Variants in IGFBP7 observed in about 807,000 individuals in gnomAD.
IGFBP7 encodes the protein insulin like growth factor binding protein 7.
In IGFBP7, 31 loss-of-function variants were observed where a neutral mutation model predicts 29.4. The ratio of observed to expected loss-of-function variants is 1.05; its 90% CI spans 0.79 to 1.42. IGFBP7 has a LOEUF of 1.42. Among genes scored for constraint, IGFBP7 ranks in the 40% most tolerant of loss-of-function variants. The pLI is 0.00. For missense variants in IGFBP7, 393 were observed against 395.5 expected, an observed-to-expected ratio of 0.99 and a Z score of 0.05; for synonymous variants, 172 against 174.9, an observed-to-expected ratio of 0.98 and a Z score of 0.13.
chr4:57,047,515 A>C (rs887019390), intron 1 of IGFBP7, among the ~76,000 whole-genome samples: 1 of 152,252 alleles, frequency 6.6e-6, no homozygotes, highest in African/African-American at 2.4e-5. Flanking sequence ...AAGTTATAGC[A>C]AGGAAGAAGA....
At chr4:57,066,272 G>A (rs1175857322) in intron 1 of IGFBP7, among the ~76,000 whole-genome samples, 2 of 152,162 alleles carry the variant, frequency 1.3e-5, no homozygotes. Flanking sequence ...AGCCAGTGCT[G>A]TGCTGTTAGG....
At chr4:57,070,969 G>A (rs1049852662) in intron 1 of IGFBP7, among the ~76,000 whole-genome samples, 3 of 152,128 alleles carry the variant, frequency 2.0e-5, no homozygotes, top group East Asian at 1.9e-4. Flanking sequence ...ATTTGAAGAT[G>A]GGTTCTCCCT....
intron 1 of IGFBP7, among the ~76,000 whole-genome samples, chr4:57,051,966 C>G (rs1017372742): frequency 6.6e-6 from 1 of 152,124 alleles, no homozygotes; most frequent in African/African-American, 2.4e-5. Context: ...GAATAGTGAG[C>G]ATGCGGGCCA....
chr4:57,063,761 T>C (rs887282587), intron 1 of IGFBP7, among the ~76,000 whole-genome samples: 2 of 152,218 alleles, frequency 1.3e-5, no homozygotes, highest in Admixed American at 6.5e-5. Context: ...TGTTTGGGTA[T>C]GCCCTTTTTA....
intron 1 of IGFBP7, among the ~76,000 whole-genome samples, chr4:57,100,834 G>A (rs187193380): frequency 4.6e-5 from 7 of 152,372 alleles, no homozygotes; most frequent in African/African-American, 1.7e-4. Flanking sequence ...TAGCAAGCCT[G>A]TAGCAGAATA....
Position 57,030,834 on chromosome 4 carries a change from TG to T in IGFBP7, c.*482del. 1.1e-6 allele frequency: 1 copy of T among 883,030 alleles called. No individual in the cohort carries two copies. Among genetic ancestry groups the T allele is most frequent in the Non-Finnish European group, 1.9e-6 (1 of 517,406 alleles). The allele number at this position is 883,030 out of a possible 1,614,324, so 54.7% of individuals were successfully genotyped here. Reference sequence around the variant, plus strand: ...ACAGTACCAGATCTTTGTCTTTTTCTGGGGTAGAGAAGTGGGGTCACTTCAA... The same window carrying T: ...ACAGTACCAGATCTTTGTCTTTTTCTGGGTAGAGAAGTGGGGTCACTTCAA... On this transcript the variant is annotated 3_prime_UTR_variant, in exon 5 of 5. Coordinates refer to ENST00000295666, the MANE Select transcript of IGFBP7 (RefSeq NM_001553.3).
intron 3 of IGFBP7, 89 bp downstream of exon 3, chr4:57,033,106 G>T: frequency 1.1e-6 from 1 of 889,652 alleles, no homozygotes; most frequent in Non-Finnish European, 1.9e-6. Flanking sequence ...GCACCTTTAG[G>T]CTGGCGGTAC....
intron 1 of IGFBP7, among the ~76,000 whole-genome samples, chr4:57,047,712 C>T (rs185729116): frequency 3.3e-5 from 5 of 152,300 alleles, no homozygotes; most frequent in Admixed American, 3.3e-4. Context: ...GAATCTCCAC[C>T]TAAGTCTGCA....
At chr4:57,080,307 T>C (rs1725335022) in intron 1 of IGFBP7, among the ~76,000 whole-genome samples, 1 of 152,218 alleles carries the variant, frequency 6.6e-6, no homozygotes, top group African/African-American at 2.4e-5. Flanking sequence ...AGATAATTTC[T>C]CTACCTGTCT....
chr4:57,085,082 C>T (rs1725466214), intron 1 of IGFBP7, among the ~76,000 whole-genome samples: 1 of 152,012 alleles, frequency 6.6e-6, no homozygotes, highest in Admixed American at 6.6e-5. Flanking sequence ...AGCCACTGCA[C>T]CTGGCCTAGA....
At chr4:57,062,631 T>C (rs1560498062) in intron 1 of IGFBP7, among the ~76,000 whole-genome samples, 1 of 152,236 alleles carries the variant, frequency 6.6e-6, no homozygotes, top group East Asian at 1.9e-4. Context: ...GCCCTTTTTA[T>C]TGGATTTTAA....
chr4:57,045,246 C>G (rs1225502624), intron 1 of IGFBP7, among the ~76,000 whole-genome samples: 2 of 152,200 alleles, frequency 1.3e-5, no homozygotes, highest in Admixed American at 6.5e-5. Context: ...CCACAAAAAT[C>G]TATAATATCC....
At chr4:57,090,855 A>C (rs960185476) in intron 1 of IGFBP7, among the ~76,000 whole-genome samples, 11 of 152,162 alleles carry the variant, frequency 7.2e-5, no homozygotes, top group Non-Finnish European at 1.5e-4. Flanking sequence ...CATCTCAAAA[A>C]AACAAAACAA....
intron 1 of IGFBP7, among the ~76,000 whole-genome samples, chr4:57,046,627 T>A (rs1281289648): frequency 2.0e-5 from 3 of 152,180 alleles, no homozygotes; most frequent in Non-Finnish European, 4.4e-5. Context: ...AACATCAGGA[T>A]AGGTCCAATT....
intron 1 of IGFBP7, chr4:57,073,007 C>T (rs569691255): frequency 1.5e-4 from 147 of 1,007,260 alleles, no homozygotes; most frequent in Middle Eastern, 5.0e-4. Context: ...CCACAGCCTT[C>T]GAGGCAAACC....
intron 1 of IGFBP7, among the ~76,000 whole-genome samples, chr4:57,090,949 A>G (rs1465275724): frequency 6.6e-6 from 1 of 152,192 alleles, no homozygotes; most frequent in Admixed American, 6.5e-5. Flanking sequence ...TACATTGGTT[A>G]TTTTATTCAG....
chr4:57,033,310 A>G lies in IGFBP7; in HGVS notation c.587T>C (p.Val196Ala). The change falls in exon 3 of 5, where the codon GTA (valine) becomes GCA (alanine). Residue 196 changes from valine to alanine, a missense_variant and splice_region_variant. By Grantham distance (64) the Val-to-Ala change is moderately conservative (BLOSUM62 0). Transcript: ENST00000295666. The part of the protein sequence containing the change: ...IPTPVLIWNK[V>A]KRGHYGVQRT... ...TTGAACTCCATAGTGACCCCTTTTT[A>G]CCTGCAAAAACAAAAGGAGAGTAAT... 1 of 1,603,304 alleles carries G rather than the reference A, an allele frequency of 6.2e-7. No homozygotes were observed.
At chr4:57,053,193 T>C (rs930285966) in intron 1 of IGFBP7, among the ~76,000 whole-genome samples, 2 of 152,084 alleles carry the variant, frequency 1.3e-5, no homozygotes, top group African/African-American at 4.8e-5. Context: ...ATTTTTGTAA[T>C]TTTAGCAGTG....
intron 1 of IGFBP7, among the ~76,000 whole-genome samples, chr4:57,097,267 C>T (rs1044039835): frequency 2.0e-5 from 3 of 152,216 alleles, no homozygotes; most frequent in Non-Finnish European, 4.4e-5. Flanking sequence ...TTTTATGCTG[C>T]AAAGCAAAGC....
Sources: gnomAD v4.1 joint callset for allele counts (sites outside exome capture counted in the v4.1 genomes callset) on GRCh38, gnomAD v4.1.1 for gene constraint, MANE v1.5 for transcripts, NCBI Gene and HGNC (gene_info 2026-07-23, HGNC 2026-07-21) for gene names.